Variants in ACYP2 observed in about 807,000 individuals in gnomAD.
ACYP2 encodes acylphosphatase 2, also known as acylphosphatase-2.
Under a neutral mutation model 11.2 loss-of-function variants are expected in ACYP2, and 12 were observed. That is an observed-to-expected ratio of 1.08 (90% CI 0.69 to 1.74). The LOEUF is 1.74. ACYP2 is among the 40% of genes most tolerant of loss of function. The pLI is 0.00. For synonymous variants in ACYP2, 43 were observed against 32.2 expected, an observed-to-expected ratio of 1.33 and a Z score of -1.13; for missense variants, 134 against 101.9, an observed-to-expected ratio of 1.31 and a Z score of -1.35.
intron 2 of ACYP2, among the ~76,000 whole-genome samples, chr2:54,041,715 A>G (rs1321541851): frequency 1.3e-5 from 2 of 152,200 alleles, no homozygotes; most frequent in Non-Finnish European, 2.9e-5. Context: ...CATGCAACAT[A>G]ATATAAGTGA....
rs543923805 is a variant in ACYP2, at chr2:54,181,149, A to G, written c.404+42401A>G. On this transcript the variant is annotated intron_variant, in intron 6 of 6. Transcript: ENST00000607452. ...CACTAGGATATGGCTGTGAACATCT[A>G]GAAAAATTACCCACTCTCATACCAT... 9.2e-5 allele frequency among the ~76,000 whole-genome samples: 14 copies of G among 152,342 alleles called. No homozygotes were observed. In the South Asian group the frequency reaches 2.9e-3, roughly 32 times the overall value.
At chr2:53,999,436 A>G (rs1672706867) in intron 2 of ACYP2, among the ~76,000 whole-genome samples, 1 of 152,194 alleles carries the variant, frequency 6.6e-6, no homozygotes, top group South Asian at 2.1e-4. Flanking sequence ...ATCTGAGGAT[A>G]GCAGTCAAAA....
chr2:54,170,098 C>G (rs1036055985), intron 6 of ACYP2, among the ~76,000 whole-genome samples: 4 of 152,016 alleles, frequency 2.6e-5, no homozygotes, highest in East Asian at 3.9e-4. Flanking sequence ...ATTTTTAGAA[C>G]TATGTAAGTT....
At chr2:54,117,774 T>G (rs1007766470) in intron 4 of ACYP2, among the ~76,000 whole-genome samples, 2 of 152,198 alleles carry the variant, frequency 1.3e-5, no homozygotes, top group African/African-American at 4.8e-5. Context: ...TTTAATTTTA[T>G]TTTTATTTCC....
intron 5 of ACYP2, among the ~76,000 whole-genome samples, chr2:54,137,885 T>C (rs745775064): frequency 6.6e-6 from 1 of 152,208 alleles, no homozygotes; most frequent in African/African-American, 2.4e-5. Flanking sequence ...CTGGACCAGT[T>C]TGCACTCCCA....
At chr2:54,183,128 A>G (rs952274209) in intron 6 of ACYP2, among the ~76,000 whole-genome samples, 24 of 152,240 alleles carry the variant, frequency 1.6e-4, no homozygotes, top group Admixed American at 1.6e-3. Context: ...CTCCGCCTTG[A>G]TAACTAAACC....
At chr2:54,298,537 G>A (rs963239246) in intron 6 of ACYP2, among the ~76,000 whole-genome samples, 3 of 152,166 alleles carry the variant, frequency 2.0e-5, no homozygotes, top group Non-Finnish European at 2.9e-5. Flanking sequence ...GCAGATGAGC[G>A]GGTGGTAATG....
At chr2:54,164,283 C>G (rs1007780030) in intron 6 of ACYP2, among the ~76,000 whole-genome samples, 1 of 152,156 alleles carries the variant, frequency 6.6e-6, no homozygotes, top group Admixed American at 6.5e-5. Context: ...TGAATCTTAA[C>G]TTCTTGTCTA....
rs1195334157 is a variant in ACYP2, at chr2:54,029,998, C to G, written c.63-20960C>G. 1.2e-5 allele frequency: 3 copies of G among 242,144 alleles called. No individual in the cohort carries two copies. In the Admixed American group the frequency reaches 1.6e-4, roughly 13 times the overall value. The allele number at this position is 242,144 out of a possible 1,614,324, so 15.0% of individuals were successfully genotyped here. A position where few individuals can be genotyped will look rare whatever the true frequency, so the allele number is the denominator to read the frequency against. On this transcript the variant is annotated intron_variant, in intron 2 of 6. Transcript: ENST00000607452. ...AGGGAGAAGGCCCGAGATAATTCCACCAGACCAATTCAAAGTGTTACAATT... is the reference window on the plus strand; with the variant it reads ...AGGGAGAAGGCCCGAGATAATTCCAGCAGACCAATTCAAAGTGTTACAATT...
At chr2:54,028,177 A>G (rs1327280787) in intron 2 of ACYP2, among the ~76,000 whole-genome samples, 1 of 152,224 alleles carries the variant, frequency 6.6e-6, no homozygotes, top group Non-Finnish European at 1.5e-5. Flanking sequence ...ACTCTTGGCT[A>G]TGGCAATTTC....
Position 54,143,765 on chromosome 2 carries a change from G to GGGC in ACYP2, c.404+5019_404+5020insCGG, listed in dbSNP as rs1553380136. On this transcript the variant is annotated intron_variant, in intron 6 of 6. Coordinates refer to ENST00000607452, the MANE Select transcript of ACYP2 (RefSeq NM_001320586.2). ...TTTTTTTTTTTTTTTTTTGGGGGGG[G>GGGC]GGTATTCTATCATGTTTTGATTTTA... 7.9e-3 allele frequency among the ~76,000 whole-genome samples: 992 copies of GGGC among 125,742 alleles called. 39 individuals carry two copies. The highest frequency in any genetic ancestry group is 0.029 in the African/African-American group (944 of 32,336). The allele number at this position is 125,742 out of a possible 152,430, so 82.5% of individuals were successfully genotyped here.
intron 4 of ACYP2, among the ~76,000 whole-genome samples, chr2:54,130,712 G>T (rs1172879582): frequency 6.6e-6 from 1 of 152,146 alleles, no homozygotes; most frequent in Non-Finnish European, 1.5e-5. Context: ...AACGACTGGG[G>T]CCTAGAAATA....
intron 6 of ACYP2, among the ~76,000 whole-genome samples, chr2:54,163,021 G>T (rs1027025581): frequency 6.6e-6 from 1 of 152,122 alleles, no homozygotes; most frequent in Non-Finnish European, 1.5e-5. Flanking sequence ...AGTCACTTTT[G>T]CTCGTTTTGG....
At chr2:54,050,832 T>C in intron 2 of ACYP2, 1 of 366,104 alleles carries the variant, frequency 2.7e-6, no homozygotes, top group Non-Finnish European at 4.8e-6. Flanking sequence ...TGGAGTGCAG[T>C]AGCACCATCA....
rs554378751 is a variant in ACYP2 at position 54,164,731 on chromosome 2, T to C, written c.404+25983T>C. Among the ~76,000 whole-genome samples the C allele has an allele frequency of 1.4e-4, 22 of 152,308 alleles. No homozygotes were observed. In the South Asian group the frequency reaches 3.9e-3, roughly 27 times the overall value. ...TTTTTGTTTTTAGTTCTGGGATACA[T>C]GTGCAGAACGTGCAGGTTTCTTAGA... On this transcript the variant is annotated intron_variant, in intron 6 of 6. Coordinates refer to ENST00000607452, the MANE Select transcript of ACYP2 (RefSeq NM_001320586.2).
intron 4 of ACYP2, among the ~76,000 whole-genome samples, chr2:54,114,091 A>G (rs1277478783): frequency 6.6e-6 from 1 of 151,978 alleles, no homozygotes; most frequent in Non-Finnish European, 1.5e-5. Flanking sequence ...GTGTTCTCTA[A>G]TAGAATTGGC....
In ACYP2 at chr2:54,230,829, C is replaced by CTTTTTTT. The variant is rs34359444; in HGVS notation, c.405-73847_405-73841dup. Among the ~76,000 whole-genome samples, 7 of 129,416 alleles carry CTTTTTTT rather than the reference C, an allele frequency of 5.4e-5. 1 individual carries two copies. Among genetic ancestry groups the CTTTTTTT allele is most frequent in the Non-Finnish European group, 8.1e-5 (5 of 61,822 alleles). 84.9% of individuals were successfully genotyped at this position (129,416 alleles called of 152,430 possible). Reference sequence around the variant, plus strand: ...TCAAACCAATGTATTTCTTTCTTTTCTTTTTTTTTTTTTTTTTTGAGTCAA... The same window carrying CTTTTTTT: ...TCAAACCAATGTATTTCTTTCTTTTCTTTTTTTTTTTTTTTTTTTTTTTTTGAGTCAA... On this transcript the variant is annotated intron_variant, in intron 6 of 6. Coordinates refer to ENST00000607452, the MANE Select transcript of ACYP2 (RefSeq NM_001320586.2).
intron 6 of ACYP2, among the ~76,000 whole-genome samples, chr2:54,159,424 T>C (rs939040012): frequency 6.6e-6 from 1 of 151,106 alleles, no homozygotes; most frequent in Non-Finnish European, 1.5e-5. Flanking sequence ...CACAGGCTGG[T>C]CTTGAACTCC....
chr2:54,179,382 G>T (rs1361757071), intron 6 of ACYP2, among the ~76,000 whole-genome samples: 1 of 152,108 alleles, frequency 6.6e-6, no homozygotes, highest in East Asian at 1.9e-4. Flanking sequence ...TACCGGAAAG[G>T]GGTCCTGATC....
Sources: allele counts gnomAD v4.1 joint callset (sites outside exome capture counted in the v4.1 genomes callset), GRCh38; gene constraint gnomAD v4.1.1; transcripts MANE v1.5; gene names NCBI Gene and HGNC (gene_info 2026-07-23, HGNC 2026-07-21).